The following KDM7A variants were observed in gnomAD, a reference collection of about 807,000 sequenced individuals.
KDM7A encodes the protein lysine-specific demethylase 7A.
KDM7A carries 28 observed loss-of-function variants against 114.8 expected under a neutral mutation model. The observed-to-expected ratio is 0.24, with a 90% CI of 0.18 to 0.33. The LOEUF (loss-of-function observed/expected upper bound fraction) is 0.33. Ranked by LOEUF, KDM7A falls within the 10% of genes least tolerant of loss-of-function variation. The pLI is 1.00. For missense variants in KDM7A, 942 were observed against 1,142.5 expected, an observed-to-expected ratio of 0.82 and a Z score of 2.53; for synonymous variants, 423 against 397.8, an observed-to-expected ratio of 1.06 and a Z score of -0.75.
At chr7:140,154,499 T>TAA (rs397974321) in intron 1 of KDM7A, among the ~76,000 whole-genome samples, 83 of 74,294 alleles carry the variant, frequency 1.1e-3, no homozygotes, top group Middle Eastern at 7.7e-3. Context: ...CTCTTAAAAT[T>TAA]AAAAAAAAAA....
chr7:140,174,486 T>C (rs554510944), intron 1 of KDM7A, among the ~76,000 whole-genome samples: 3 of 152,338 alleles, frequency 2.0e-5, no homozygotes, highest in Non-Finnish European at 1.5e-5. Context: ...AAATTCTCCA[T>C]CAAATACCTG....
intron 9 of KDM7A, among the ~76,000 whole-genome samples, chr7:140,115,847 CAAGAA>C (rs1305078868): frequency 8.0e-4 from 88 of 109,460 alleles, no homozygotes; most frequent in Admixed American, 1.9e-3. Flanking sequence ...ATTAATAGTA[CAAGAA>C]AAGTAAAAAA....
At chr7:140,098,848 G>T (rs555169185) in intron 14 of KDM7A, 31 bp downstream of exon 14, 1 of 1,556,546 alleles carries the variant, frequency 6.4e-7, no homozygotes, top group South Asian at 1.1e-5. Flanking sequence ...GTAATCAAAA[G>T]ATCTTTAAAA....
Position 140,088,375 on chromosome 7 carries a change from T to A in KDM7A, c.*2719A>T, listed in dbSNP as rs975400390. On this transcript the variant is annotated 3_prime_UTR_variant, in exon 20 of 20. Transcript: ENST00000397560. ...ACAATACAGGAAAATTATCATCTAT[T>A]CCTATTACTAAAGTTGCATATGTTA... 1 of 395,828 alleles carries A rather than the reference T, an allele frequency of 2.5e-6. No homozygotes were observed. Among genetic ancestry groups the A allele is most frequent in the Non-Finnish European group, 4.5e-6 (1 of 224,498 alleles). 24.5% of individuals were successfully genotyped at this position (395,828 alleles called of 1,614,324 possible).
chr7:140,142,031 T>TA (rs1794288124), intron 1 of KDM7A, among the ~76,000 whole-genome samples: 2 of 144,894 alleles, frequency 1.4e-5, no homozygotes, highest in Non-Finnish European at 3.0e-5. Flanking sequence ...TATTTATATA[T>TA]TAAAAAGATA....
chr7:140,104,343 AC>A (rs1818289959), intron 11 of KDM7A, among the ~76,000 whole-genome samples: 1 of 152,140 alleles, frequency 6.6e-6, no homozygotes, highest in South Asian at 2.1e-4. Context: ...GGCTTTTCTT[AC>A]CATTGCTTTT....
Position 140,162,678 on chromosome 7 carries a change from A to G in KDM7A, c.194+14066T>C, listed in dbSNP as rs189100540. Among the ~76,000 whole-genome samples, 422 of 152,314 alleles carry G rather than the reference A, an allele frequency of 2.8e-3. 13 individuals are homozygous for G. Among genetic ancestry groups the G allele is most frequent in the East Asian group, 9.7e-4 (5 of 5,180 alleles). ...ATCAACAGAACATGAATTTTAAACT[A>G]TGACTACAGATAAAAACAATTTCAA... On this transcript the variant is annotated intron_variant, in intron 1 of 19. Coordinates refer to ENST00000397560, the MANE Select transcript of KDM7A (RefSeq NM_030647.2).
rs555248476 is a variant in KDM7A at position 140,092,478 on chromosome 7, T to C, written c.2458-401A>G. Among the ~76,000 whole-genome samples the C allele has an allele frequency of 4.4e-4, 67 of 152,332 alleles. 2 individuals carry two copies. The Middle Eastern group carries it at 0.014, about 31-fold the overall frequency. ...ATGTTCTTTTCTAGAGTCTATCTTC[T>C]ATCAGGTTCATCTCCACTGTATTTT... is the stretch of plus-strand genomic sequence containing the variant. On this transcript the variant is annotated intron_variant, in intron 18 of 19. Coordinates refer to ENST00000397560, the MANE Select transcript of KDM7A (RefSeq NM_030647.2).
chr7:140,087,548 G>T lies in KDM7A; in HGVS notation c.*3546C>A, dbSNP rs956317639. On this transcript the variant is annotated 3_prime_UTR_variant, in exon 20 of 20. Coordinates refer to ENST00000397560, the MANE Select transcript of KDM7A (RefSeq NM_030647.2). ...CATTAATTGCCAGTTTTAACTTAATGATAAGTTCTCTGTATGTATGAAGTG... is the reference window on the plus strand; with the variant it reads ...CATTAATTGCCAGTTTTAACTTAATTATAAGTTCTCTGTATGTATGAAGTG... 2 of 152,110 alleles carry T rather than the reference G, an allele frequency of 1.3e-5. No homozygotes were observed. The highest frequency in any genetic ancestry group is 4.8e-5 in the African/African-American group (2 of 41,446). The allele number at this position is 152,110 out of a possible 1,614,324, so 9.4% of individuals were successfully genotyped here. A position where few individuals can be genotyped will look rare whatever the true frequency, so the allele number is the denominator to read the frequency against.
chr7:140,102,213 G>T, intron 11 of KDM7A, 53 bp from the exon 12 acceptor site: 1 of 1,212,298 alleles, frequency 8.2e-7, no homozygotes, highest in Non-Finnish European at 1.2e-6. Flanking sequence ...ACACACATAC[G>T]TGACTAAATA....
rs1206891822 is a variant in KDM7A, at chr7:140,087,151, A to G, written c.*3943T>C. On this transcript the variant is annotated 3_prime_UTR_variant, in exon 20 of 20. Transcript: ENST00000397560. ...GTCTTTGTGCATTCTCACCTTTCTA[A>G]CCACCTCATTCTCCCCACAAGTTCC... The G allele has an allele frequency of 6.6e-6, 1 of 151,938 alleles. No homozygotes were observed. The highest frequency in any genetic ancestry group is 1.5e-5 in the Non-Finnish European group (1 of 68,002). The allele number at this position is 151,938 out of a possible 1,614,324, so 9.4% of individuals were successfully genotyped here. A position where few individuals can be genotyped will look rare whatever the true frequency, so the allele number is the denominator to read the frequency against.
intron 11 of KDM7A, 31 bp downstream of exon 11, chr7:140,111,064 C>A: frequency 8.4e-7 from 1 of 1,195,770 alleles, no homozygotes; most frequent in South Asian, 1.3e-5. Flanking sequence ...AGATAATAAT[C>A]AAGCATTTAC....
Position 140,166,521 on chromosome 7 carries a change from G to A in KDM7A, c.194+10223C>T, listed in dbSNP as rs111680480. 2.7e-3 allele frequency among the ~76,000 whole-genome samples: 405 copies of A among 151,742 alleles called. 4 individuals carry two copies. The highest frequency in any genetic ancestry group is 9.3e-3 in the African/African-American group (387 of 41,402). On this transcript the variant is annotated intron_variant, in intron 1 of 19. Transcript: ENST00000397560. Reference sequence around the variant, plus strand: ...TGCCCAGCTAATTTTTGTATTTTTTGTAGACGGAGGCTCGTCATGTTGCCC... The same window carrying A: ...TGCCCAGCTAATTTTTGTATTTTTTATAGACGGAGGCTCGTCATGTTGCCC...
intron 1 of KDM7A, among the ~76,000 whole-genome samples, chr7:140,164,879 C>CT (rs1794557276): frequency 1.3e-5 from 2 of 152,220 alleles, no homozygotes; most frequent in Non-Finnish European, 2.9e-5. Context: ...GGATACTATT[C>CT]GGTCTACTTC....
At chr7:140,144,710 TACACACAC>T (rs3030431) in intron 1 of KDM7A, among the ~76,000 whole-genome samples, 2 of 146,322 alleles carry the variant, frequency 1.4e-5, no homozygotes, top group South Asian at 4.3e-4. Flanking sequence ...GTCCCCACCA[TACACACAC>T]ACACACACAC....
At chr7:140,173,033 G>C (rs922885968) in intron 1 of KDM7A, among the ~76,000 whole-genome samples, 1 of 152,044 alleles carries the variant, frequency 6.6e-6, no homozygotes, top group Non-Finnish European at 1.5e-5. Context: ...GAAGAAAACA[G>C]AAACTCTAAT....
chr7:140,098,348 G>GA lies in KDM7A; in HGVS notation c.1918+530dup, dbSNP rs1194120761. Among the ~76,000 whole-genome samples, 3 of 152,210 alleles carry GA rather than the reference G, an allele frequency of 2.0e-5. 1 individual carries two copies. The Middle Eastern group carries it at 9.5e-3, about 482-fold the overall frequency. ...AGAAACTAAGGCTTAATTCAAAGAAGAAAGACCTTAAGGAGAAGGAGGTGT... is the reference window on the plus strand; with the variant it reads ...AGAAACTAAGGCTTAATTCAAAGAAGAAAAGACCTTAAGGAGAAGGAGGTGT... On this transcript the variant is annotated intron_variant, in intron 14 of 19. Coordinates refer to ENST00000397560, the MANE Select transcript of KDM7A (RefSeq NM_030647.2).
intron 1 of KDM7A, among the ~76,000 whole-genome samples, chr7:140,160,978 G>A (rs1464911680): frequency 2.6e-5 from 4 of 152,086 alleles, no homozygotes; most frequent in African/African-American, 9.7e-5. Flanking sequence ...ATAAGGACAG[G>A]CTAGCACAAA....
At chr7:140,141,208 T>C (rs942396476) in intron 1 of KDM7A, among the ~76,000 whole-genome samples, 27 of 152,176 alleles carry the variant, frequency 1.8e-4, no homozygotes, top group African/African-American at 6.3e-4. Context: ...TGTAAAGATA[T>C]TAATTAATTC....
Sources: allele counts gnomAD v4.1 joint callset (sites outside exome capture counted in the v4.1 genomes callset), GRCh38; gene constraint gnomAD v4.1.1; transcripts MANE v1.5; gene names NCBI Gene and HGNC (gene_info 2026-07-23, HGNC 2026-07-21).